Variants in EIF3B observed in about 807,000 individuals in gnomAD.
EIF3B encodes the protein eukaryotic translation initiation factor 3 subunit 9.
EIF3B carries 10 observed loss-of-function variants against 104.6 expected under a neutral mutation model. The ratio of observed to expected loss-of-function variants is 0.10; its 90% CI spans 0.06 to 0.16. The LOEUF (loss-of-function observed/expected upper bound fraction) is 0.16, where lower values mean the gene tolerates loss of function less well. Ranked by LOEUF, EIF3B falls within the 10% of genes least tolerant of loss-of-function variation. EIF3B has a pLI of 1.00. For missense variants in EIF3B, 1,014 were observed against 1,087.9 expected (o/e 0.93, Z 0.96); for synonymous variants, 542 against 417.2 (o/e 1.30, Z -3.65).
intron 13 of EIF3B, chr7:2,374,952 T>G: frequency 3.4e-6 from 1 of 296,460 alleles, no homozygotes; most frequent in Non-Finnish European, 6.3e-6. Context: ...GGGAAGGGTA[T>G]TCGTTACACA....
At position 2,363,552 on chromosome 7, in the gene EIF3B, A is replaced by C. The variant is rs569480772; in HGVS notation, c.871-80A>C. 2.3e-6 allele frequency: 3 copies of C among 1,327,184 alleles called. No individual in the cohort carries two copies. The South Asian group carries it at 4.2e-5, about 19-fold the overall frequency. The allele number at this position is 1,327,184 out of a possible 1,614,324, so 82.2% of individuals were successfully genotyped here. On this transcript the variant is annotated intron_variant, in intron 4 of 18. Transcript: ENST00000360876. The stretch of plus-strand genomic sequence containing the variant: ...AGTTAAGATGTGGACTGAACTTGTC[A>C]TATCTTTAAGAGCAATAGTTGTGAA...
rs1037174818 is a variant in EIF3B, at chr7:2,355,130, C to T, written c.209C>T (p.Pro70Leu). Residue 70 changes from proline (P) to leucine (L), a missense_variant, in exon 1 of 19, where the codon CCG becomes CTG. Around this residue, in one of 4 missense-constraint regions of EIF3B, gnomAD observed 488 missense variants for 404.3 expected, o/e 1.21. Coordinates refer to ENST00000360876, the MANE Select transcript of EIF3B (RefSeq NM_001037283.2). The part of the protein sequence containing the change: ...AGPESEVRTE[P>L]AAEAEAASGP... Reference sequence around the variant, plus strand: ...CCGGAGTCCGAGGTGAGGACCGAGCCGGCGGCCGAGGCAGAGGCGGCCTCC... The same window carrying T: ...CCGGAGTCCGAGGTGAGGACCGAGCTGGCGGCCGAGGCAGAGGCGGCCTCC... 1.8e-5 allele frequency: 25 copies of T among 1,404,470 alleles called. 1 individual carries two copies. The highest frequency in any genetic ancestry group is 5.1e-4 in the Middle Eastern group (2 of 3,922). The allele number at this position is 1,404,470 out of a possible 1,614,324, so 87.0% of individuals were successfully genotyped here. A position where few individuals can be genotyped will look rare whatever the true frequency, so the allele number is the denominator to read the frequency against.
At chr7:2,374,778 C>T in intron 13 of EIF3B, 172 bp downstream of exon 13, 1 of 583,508 alleles carries the variant, frequency 1.7e-6, no homozygotes. Flanking sequence ...CCACGGTACT[C>T]CAGGACTCAG....
chr7:2,364,142 G>T (rs1167575152), intron 5 of EIF3B, among the ~76,000 whole-genome samples: 1 of 152,144 alleles, frequency 6.6e-6, no homozygotes, highest in Non-Finnish European at 1.5e-5. Flanking sequence ...GGCACCTGTA[G>T]TCCCCGCTAC....
intron 8 of EIF3B, 152 bp from the exon 9 acceptor site, chr7:2,366,847 G>T: frequency 1.1e-6 from 1 of 871,548 alleles, no homozygotes; most frequent in Non-Finnish European, 1.8e-6. Flanking sequence ...CTGGGTGGCG[G>T]GTGGGTGGAT....
chr7:2,363,134 G>A lies in EIF3B; in HGVS notation c.870+7G>A. 4.3e-6 allele frequency: 7 copies of A among 1,613,802 alleles called. No individual in the cohort carries two copies. Among genetic ancestry groups the A allele is most frequent in the Non-Finnish European group, 5.9e-6 (7 of 1,179,834 alleles). On this transcript the variant is annotated splice_region_variant and intron_variant, in intron 4 of 18. Transcript: ENST00000360876. ...ACAGCCTTTCAAAGACCTGGTGAGT[G>A]GCCTGAAACCTACATCTCAGTGGTT...
In EIF3B at chr7:2,372,162, C is replaced by T. The variant is rs972407096; in HGVS notation, c.1687+313C>T. On this transcript the variant is annotated intron_variant, in intron 11 of 18. Coordinates refer to ENST00000360876, the MANE Select transcript of EIF3B (RefSeq NM_001037283.2). ...CAGAGGTTGCAGTGAACTGAGATTGCGCCCCTGCACTCCAGCCTGGGTGAC... is the reference window on the plus strand; with the variant it reads ...CAGAGGTTGCAGTGAACTGAGATTGTGCCCCTGCACTCCAGCCTGGGTGAC... The T allele has an allele frequency of 5.3e-5, 18 of 341,766 alleles. 1 individual carries two copies. The highest frequency in any genetic ancestry group is 5.2e-4 in the South Asian group (13 of 24,824). 21.2% of individuals were successfully genotyped at this position (341,766 alleles called of 1,614,324 possible).
chr7:2,354,529 C>G (rs1426047389), upstream of EIF3B, among the ~76,000 whole-genome samples: 1 of 152,156 alleles, frequency 6.6e-6, no homozygotes, highest in Non-Finnish European at 1.5e-5. Flanking sequence ...TTCAGCTCCA[C>G]AAATAGTTCA....
Position 2,374,606 on chromosome 7 carries a change from G to C in EIF3B, c.1889G>C (p.Ser630Thr). 1 of 1,613,886 alleles carries C rather than the reference G, an allele frequency of 6.2e-7. No homozygotes were observed. Among genetic ancestry groups the C allele is most frequent in the Non-Finnish European group, 8.5e-7 (1 of 1,179,762 alleles). ...TTCGTGGTGTTGGCGGGCCTGAGGA[G>C]GTAGGTGTCTGCGCTCTGAGCCTGT... Reference protein sequence around the residue: ...GQFVVLAGLRSMNGALAFVDT... With the variant: ...GQFVVLAGLRTMNGALAFVDT... Residue 630 changes from serine (S) to threonine (T), a missense_variant and splice_region_variant, in exon 13 of 19, where the codon AGT becomes ACT. Physicochemically the swap from Ser to Thr is moderately conservative, Grantham distance 58 (BLOSUM62 1). Around this residue, in one of 4 missense-constraint regions of EIF3B, gnomAD observed 266 missense variants for 324.0 expected, o/e 0.82. Coordinates refer to ENST00000360876, the MANE Select transcript of EIF3B (RefSeq NM_001037283.2).
At chr7:2,378,659 A>G (rs768340867) in intron 15 of EIF3B, 30 bp from the exon 16 acceptor site, 1 of 1,596,252 alleles carries the variant, frequency 6.3e-7, no homozygotes, top group South Asian at 1.1e-5. Flanking sequence ...TTTGAATGTT[A>G]AATCCTGAGT....
rs1780579916 is a variant in EIF3B at position 2,375,462 on chromosome 7, T to A, written c.1963T>A (p.Ser655Thr). 5 of 1,614,198 alleles carry A rather than the reference T, an allele frequency of 3.1e-6. No individual in the cohort carries two copies. Among genetic ancestry groups the A allele is most frequent in the Non-Finnish European group, 3.4e-6 (4 of 1,180,020 alleles). ...VMNIAEHYMA[S>T]DVEWDPTGRY... ...GAACATCGCAGAGCACTACATGGCT[T>A]CCGACGTCGAATGGGATCCTACTGG... Residue 655 changes from serine to threonine, a missense_variant, in exon 14 of 19, where the codon TCC becomes ACC. Physicochemically the swap from Ser to Thr is moderately conservative, Grantham distance 58. This residue lies in a region of EIF3B where 266 missense variants were observed against 324.0 expected (regional missense o/e 0.82). Coordinates refer to ENST00000360876, the MANE Select transcript of EIF3B (RefSeq NM_001037283.2).
At chr7:2,363,493 G>C in intron 4 of EIF3B, 139 bp from the exon 5 acceptor site, 1 of 754,158 alleles carries the variant, frequency 1.3e-6, no homozygotes. Flanking sequence ...AATGCTAGAC[G>C]GTGTCTTGAC....
At chr7:2,365,667 G>GTTTTT (rs138137672) in intron 6 of EIF3B, among the ~76,000 whole-genome samples, 1 of 107,852 alleles carries the variant, frequency 9.3e-6, no homozygotes, top group African/African-American at 3.1e-5. Context: ...TTGTTTGTTT[G>GTTTTT]TTTGTTTGTT....
chr7:2,371,110 ACATACCTGTTAG>A (rs1780312737), intron 10 of EIF3B, among the ~76,000 whole-genome samples: 1 of 152,258 alleles, frequency 6.6e-6, no homozygotes, highest in African/African-American at 2.4e-5. Flanking sequence ...CAAAGAAACA[ACATACCTGTTAG>A]CAGCCTCTCC....
chr7:2,360,095 C>T (rs1471811640), intron 1 of EIF3B, among the ~76,000 whole-genome samples: 4 of 152,132 alleles, frequency 2.6e-5, no homozygotes, highest in African/African-American at 9.7e-5. Context: ...AATGGCCATC[C>T]AGTTCACGGC....
At position 2,363,238 on chromosome 7, in the gene EIF3B, A is replaced by G. The variant is rs1779834678; in HGVS notation, c.870+111A>G. On this transcript the variant is annotated intron_variant, in intron 4 of 18. Transcript: ENST00000360876. ...GAGGCTGAGGTGGGAGGATCGCTTA[A>G]GCCCAGGAATTCAAGACCAGCCTGG... The G allele has an allele frequency of 3.5e-6, 4 of 1,135,326 alleles. No homozygotes were observed. The South Asian group carries it at 3.7e-5, about 11-fold the overall frequency. The allele number at this position is 1,135,326 out of a possible 1,614,324, so 70.3% of individuals were successfully genotyped here.
At chr7:2,365,662 TG>T (rs1779971704) in intron 6 of EIF3B, among the ~76,000 whole-genome samples, 1 of 92,026 alleles carries the variant, frequency 1.1e-5, no homozygotes, top group African/African-American at 8.2e-5. Flanking sequence ...TTTGTTTGTT[TG>T]TTTGTTTGTT....
intron 12 of EIF3B, chr7:2,374,241 G>A: frequency 9.2e-6 from 3 of 324,858 alleles, no homozygotes; most frequent in Non-Finnish European, 1.8e-5. Context: ...CCCTGCAGCA[G>A]TGAACATTTG....
At chr7:2,356,984 G>A (rs1779481762) in intron 1 of EIF3B, among the ~76,000 whole-genome samples, 1 of 152,158 alleles carries the variant, frequency 6.6e-6, no homozygotes, top group African/African-American at 2.4e-5. Flanking sequence ...GTAGGCTGCT[G>A]AGAATTCCCA....
Sources: gnomAD v4.1 joint callset for allele counts (sites outside exome capture counted in the v4.1 genomes callset) on GRCh38, gnomAD v4.1.1 for gene constraint, gnomAD v4.1.1 regional missense constraint, MANE v1.5 for transcripts, NCBI Gene and HGNC (gene_info 2026-07-23, HGNC 2026-07-21) for gene names.